Variants in BEST3 observed in about 807,000 individuals in gnomAD.
The protein encoded by BEST3 is bestrophin 3, also known as bestrophin-3.
Under a neutral mutation model 47.1 loss-of-function variants are expected in BEST3, and 50 were observed. That is an observed-to-expected ratio of 1.06 (90% CI 0.85 to 1.34). The LOEUF (loss-of-function observed/expected upper bound fraction) is 1.34. Ranked by LOEUF, BEST3 falls within the 40% of genes most tolerant of loss-of-function variation. The probability of loss-of-function intolerance (pLI) is 0.00; values close to 1 mark genes in which losing one functional copy is unlikely to be tolerated. For synonymous variants in BEST3, 282 were observed against 298.8 expected (o/e 0.94, Z 0.58); for missense variants, 765 against 817.0 (o/e 0.94, Z 0.78).
At chr12:69,657,250 C>T (rs1883560963) in intron 9 of BEST3, among the ~76,000 whole-genome samples, 2 of 151,846 alleles carry the variant, frequency 1.3e-5, no homozygotes, top group Non-Finnish European at 2.9e-5. Context: ...TGGGTGCTAC[C>T]ACACCCAGCT....
chr12:69,687,863 TTAAGA>T (rs1301699267), intron 4 of BEST3, among the ~76,000 whole-genome samples: 3 of 152,166 alleles, frequency 2.0e-5, no homozygotes, highest in Non-Finnish European at 2.9e-5. Flanking sequence ...AATGATTAAT[TTAAGA>T]TAAGATTTGT....
chr12:69,655,351 A>T lies in BEST3; in HGVS notation c.1563T>A (p.Asp521Glu), dbSNP rs762581678. Residue 521 changes from aspartate to glutamate, a missense_variant, in exon 10 of 10, where the codon GAT becomes GAA. Coordinates refer to ENST00000330891, the MANE Select transcript of BEST3 (RefSeq NM_032735.3). Reference sequence around the variant, plus strand: ...CAGAGCTCAAGATGGAGGTAGCGGAATCATGGTGGTAGCCCCCTGATGTGG... The same window carrying T: ...CAGAGCTCAAGATGGAGGTAGCGGATTCATGGTGGTAGCCCCCTGATGTGG... ...PVPTSGGYHHDSATSILSSEF... is the reference protein window; with the variant it reads ...PVPTSGGYHHESATSILSSEF... 1.2e-6 allele frequency: 2 copies of T among 1,613,992 alleles called. No individual in the cohort carries two copies. The highest frequency in any genetic ancestry group is 2.7e-5 in the African/African-American group (2 of 74,884).
At chr12:69,670,227 T>A (rs1884473369) in intron 9 of BEST3, 1 of 503,714 alleles carries the variant, frequency 2.0e-6, no homozygotes, top group African/African-American at 1.9e-5. Context: ...GAGATTCCTA[T>A]CCATGGAAAC....
intron 9 of BEST3, among the ~76,000 whole-genome samples, chr12:69,665,508 G>T (rs1396958263): frequency 1.3e-5 from 2 of 152,116 alleles, no homozygotes; most frequent in Non-Finnish European, 2.9e-5. Context: ...CAGGGGAATT[G>T]CTTGAACCCG....
At chr12:69,680,592 C>T (rs2135995211) in intron 4 of BEST3, among the ~76,000 whole-genome samples, 1 of 152,186 alleles carries the variant, frequency 6.6e-6, no homozygotes, top group South Asian at 2.1e-4. Flanking sequence ...CAGGCGTGAG[C>T]CACCGCCCCT....
intron 9 of BEST3, among the ~76,000 whole-genome samples, chr12:69,668,108 G>T (rs1359431998): frequency 6.6e-6 from 1 of 152,210 alleles, no homozygotes; most frequent in Admixed American, 6.5e-5. Context: ...TGTTGAATGT[G>T]CTGGCTGGGA....
chr12:69,698,285 A>G (rs997163538), intron 1 of BEST3, among the ~76,000 whole-genome samples: 9 of 152,308 alleles, frequency 5.9e-5, no homozygotes, highest in African/African-American at 2.2e-4. Flanking sequence ...CAGTTTCCCC[A>G]TGACAAGTTG....
At chr12:69,651,618 C>CA (rs902338811), downstream of BEST3, among the ~76,000 whole-genome samples, 5 of 151,470 alleles carry the variant, frequency 3.3e-5, no homozygotes, top group Non-Finnish European at 7.4e-5. Context: ...ACTAAAAATA[C>CA]AAAAAAATTA....
intron 2 of BEST3, among the ~76,000 whole-genome samples, chr12:69,695,892 G>T (rs776985492): frequency 1.3e-5 from 2 of 151,990 alleles, no homozygotes; most frequent in Non-Finnish European, 2.9e-5. Flanking sequence ...GTTGGCCAAA[G>T]AAAAAATATT....
intron 8 of BEST3, among the ~76,000 whole-genome samples, chr12:69,672,395 G>C (rs1884634379): frequency 1.3e-5 from 2 of 152,198 alleles, no homozygotes; most frequent in African/African-American, 4.8e-5. Flanking sequence ...AGTGCCCTGG[G>C]GCCCATTTAG....
intron 9 of BEST3, among the ~76,000 whole-genome samples, chr12:69,665,945 C>T (rs555525771): frequency 9.2e-5 from 14 of 152,122 alleles, no homozygotes; most frequent in African/African-American, 3.4e-4. Flanking sequence ...CAAGACTGGC[C>T]GTAACTTGAT....
At position 69,680,310 on chromosome 12, in the gene BEST3, C is replaced by CTTCTTTTTTTTTTTTTTTTTTTTTT. The variant is rs763385722; in HGVS notation, c.482-1418_482-1417insAAAAAAAAAAAAAAAAAAAAAAGAA. On this transcript the variant is annotated intron_variant, in intron 4 of 9. Coordinates refer to ENST00000330891, the MANE Select transcript of BEST3 (RefSeq NM_032735.3). The stretch of plus-strand genomic sequence containing the variant: ...TTAAAACTTACAGTTTACACTTGAT[C>CTTCTTTTTTTTTTTTTTTTTTTTTT]TTTTTTTTTTTTTTTTTAGATGGAG... Among the ~76,000 whole-genome samples the CTTCTTTTTTTTTTTTTTTTTTTTTT allele has an allele frequency of 1.8e-3, 170 of 94,976 alleles. 24 individuals carry two copies. The highest frequency in any genetic ancestry group is 3.0e-3 in the South Asian group (8 of 2,682). 62.3% of individuals were successfully genotyped at this position (94,976 alleles called of 152,430 possible). A position where few individuals can be genotyped will look rare whatever the true frequency, so the allele number is the denominator to read the frequency against.
intron 7 of BEST3, among the ~76,000 whole-genome samples, chr12:69,673,614 AT>A (rs1441485723): frequency 1.3e-5 from 2 of 151,140 alleles, no homozygotes; most frequent in Non-Finnish European, 3.0e-5. Context: ...ATTTTTTTGG[AT>A]TTTTTTTCAG....
chr12:69,692,220 C>T (rs1885952097), intron 4 of BEST3, among the ~76,000 whole-genome samples: 1 of 152,142 alleles, frequency 6.6e-6, no homozygotes, highest in Non-Finnish European at 1.5e-5. Context: ...AACTCCAAAA[C>T]AAACAAAATC....
intron 9 of BEST3, among the ~76,000 whole-genome samples, chr12:69,666,761 G>A (rs939587669): frequency 6.6e-6 from 1 of 152,132 alleles, no homozygotes; most frequent in Non-Finnish European, 1.5e-5. Flanking sequence ...TGCCCATAGA[G>A]GCCTCAAATT....
chr12:69,694,026 C>T, intron 3 of BEST3, 119 bp from the exon 4 acceptor site: 1 of 756,946 alleles, frequency 1.3e-6, no homozygotes, highest in East Asian at 2.7e-5. Flanking sequence ...TATTATTATC[C>T]ATATCTTCTG....
intron 4 of BEST3, 71 bp from the exon 5 acceptor site, chr12:69,678,964 A>C (rs1885083188): frequency 7.9e-7 from 1 of 1,271,702 alleles, no homozygotes; most frequent in African/African-American, 1.5e-5. Context: ...ATATTTCAGC[A>C]TCTATATAAA....
chr12:69,699,294 G>A lies in BEST3; in HGVS notation c.-105C>T, dbSNP rs1313119598. ...AGGTGCCTTCAGGTCGGTGCTGCAC[G>A]CCCGGTGTCACCCTTCGCTCGTGCA... is the stretch of plus-strand genomic sequence containing the variant. On this transcript the variant is annotated 5_prime_UTR_variant, in exon 1 of 10. Coordinates refer to ENST00000330891, the MANE Select transcript of BEST3 (RefSeq NM_032735.3). The A allele has an allele frequency of 7.1e-6, 7 of 985,260 alleles. No homozygotes were observed. Among genetic ancestry groups the A allele is most frequent in the East Asian group, 1.1e-4 (1 of 8,814 alleles). The allele number at this position is 985,260 out of a possible 1,614,324, so 61.0% of individuals were successfully genotyped here. A position where few individuals can be genotyped will look rare whatever the true frequency, so the allele number is the denominator to read the frequency against.
Position 69,686,198 on chromosome 12 carries a change from A to C in BEST3, c.482-7305T>G, listed in dbSNP as rs116778372. Among the ~76,000 whole-genome samples the C allele has an allele frequency of 7.2e-4, 107 of 149,368 alleles. 1 individual carries two copies. Among genetic ancestry groups the C allele is most frequent in the Admixed American group, 1.3e-3 (20 of 14,918 alleles). On this transcript the variant is annotated intron_variant, in intron 4 of 9. Transcript: ENST00000330891. ...GTAATGGATCAGGAAAAAAAAAAAA[A>C]CAAACAGCCCACCCAGGGCAGAAAT... is the stretch of plus-strand genomic sequence containing the variant.
Sources: gnomAD v4.1 joint callset for allele counts (sites outside exome capture counted in the v4.1 genomes callset) on GRCh38, gnomAD v4.1.1 for gene constraint, MANE v1.5 for transcripts, NCBI Gene and HGNC (gene_info 2026-07-23, HGNC 2026-07-21) for gene names.